The following UBTD1 variants were observed in gnomAD, a reference collection of about 807,000 sequenced individuals.
UBTD1 encodes the protein ubiquitin domain-containing protein 1.
UBTD1 carries 19 observed loss-of-function variants against 21.7 expected under a neutral mutation model. The ratio of observed to expected loss-of-function variants is 0.87; its 90% CI spans 0.61 to 1.28. UBTD1 has a LOEUF of 1.28. Ranked by LOEUF, UBTD1 falls within the 50% of genes most tolerant of loss-of-function variation. The pLI, the probability that UBTD1 is intolerant of heterozygous loss-of-function variation, is 0.00. For missense variants in UBTD1, 282 were observed against 315.1 expected, an observed-to-expected ratio of 0.89 and a Z score of 0.80; for synonymous variants, 116 against 135.1, an observed-to-expected ratio of 0.86 and a Z score of 0.98.
At chr10:97,557,013 T>C (rs1564743948) in intron 1 of UBTD1, among the ~76,000 whole-genome samples, 1 of 152,222 alleles carries the variant, frequency 6.6e-6, no homozygotes, top group African/African-American at 2.4e-5. Flanking sequence ...TTGAGACTTT[T>C]AGAACCCAAA....
intron 1 of UBTD1, among the ~76,000 whole-genome samples, chr10:97,557,928 A>T (rs1036148386): frequency 6.6e-6 from 1 of 152,214 alleles, no homozygotes; most frequent in East Asian, 1.9e-4. Flanking sequence ...CTTGATATAT[A>T]TACTGGAAAC....
chr10:97,544,084 C>G (rs1409873410), intron 1 of UBTD1, among the ~76,000 whole-genome samples: 2 of 152,008 alleles, frequency 1.3e-5, no homozygotes, highest in African/African-American at 4.8e-5. Context: ...GAGTTCAAGA[C>G]CAGCCTGGCC....
At chr10:97,503,623 G>A (rs2040386779) in intron 1 of UBTD1, among the ~76,000 whole-genome samples, 1 of 152,204 alleles carries the variant, frequency 6.6e-6, no homozygotes, top group South Asian at 2.1e-4. Context: ...GTGGTTGCAA[G>A]AGAGTCTGCT....
intron 1 of UBTD1, among the ~76,000 whole-genome samples, chr10:97,509,650 T>C (rs1485388579): frequency 1.3e-5 from 2 of 151,934 alleles, no homozygotes; most frequent in East Asian, 3.8e-4. Flanking sequence ...ATGAATTTCC[T>C]TTTTTTTCCC....
intron 1 of UBTD1, among the ~76,000 whole-genome samples, chr10:97,529,719 T>TGAGAGGGAGACCGTGGAAA (rs1271112489): frequency 6.3e-4 from 95 of 151,038 alleles, no homozygotes; most frequent in Non-Finnish European, 1.2e-3. Flanking sequence ...CGGCTCGGCA[T>TGAGAGGGAGACCGTGGAAA]GAGAGGGAGA....
At chr10:97,539,333 C>T (rs1257247958) in intron 1 of UBTD1, among the ~76,000 whole-genome samples, 1 of 152,164 alleles carries the variant, frequency 6.6e-6, no homozygotes, top group Non-Finnish European at 1.5e-5. Context: ...GTGGCTCACA[C>T]CTGGAATCCC....
intron 1 of UBTD1, among the ~76,000 whole-genome samples, chr10:97,554,642 C>A (rs1182801455): frequency 6.6e-6 from 1 of 152,128 alleles, no homozygotes; most frequent in Non-Finnish European, 1.5e-5. Context: ...CCTTGACCTC[C>A]TGGGCTCAAG....
At chr10:97,539,555 C>T (rs184414606) in intron 1 of UBTD1, among the ~76,000 whole-genome samples, 23 of 151,604 alleles carry the variant, frequency 1.5e-4, no homozygotes, top group Admixed American at 1.1e-3. Flanking sequence ...TGATTGTGCC[C>T]GTGCACTCCA....
Position 97,499,271 on chromosome 10 carries a change from C to A in UBTD1, c.68C>A (p.Ala23Glu). ...PAAPGHPRKR[A>E]GRNEPLKKER... ...GCCCCGGGACACCCCCGCAAGCGAG[C>A]AGGTAACGATGGGGAAGGGAGCAGG... The change falls in exon 1 of 3, where the codon GCA becomes GAA. Residue 23 changes from alanine to glutamate, a missense_variant and splice_region_variant. Coordinates refer to ENST00000370664, the MANE Select transcript of UBTD1 (RefSeq NM_024954.5). 6.5e-7 allele frequency: 1 copy of A among 1,548,504 alleles called. No individual in the cohort carries two copies. Among genetic ancestry groups the A allele is most frequent in the Non-Finnish European group, 8.7e-7 (1 of 1,145,672 alleles).
chr10:97,556,264 T>G (rs948741572), intron 1 of UBTD1, among the ~76,000 whole-genome samples: 3 of 152,186 alleles, frequency 2.0e-5, no homozygotes, highest in African/African-American at 7.2e-5. Context: ...ATGTGCCAGT[T>G]TTGTTATATC....
intron 1 of UBTD1, among the ~76,000 whole-genome samples, chr10:97,547,674 C>T (rs2040617584): frequency 6.6e-6 from 1 of 152,164 alleles, no homozygotes; most frequent in African/African-American, 2.4e-5. Context: ...AAGCGATTCT[C>T]TTGCCTCAGC....
At chr10:97,547,805 T>C (rs2040618220) in intron 1 of UBTD1, among the ~76,000 whole-genome samples, 1 of 152,104 alleles carries the variant, frequency 6.6e-6, no homozygotes, top group South Asian at 2.1e-4. Context: ...CCTCAGTTGA[T>C]CCACCTGCCT....
chr10:97,505,471 T>C (rs1479342459), intron 1 of UBTD1, among the ~76,000 whole-genome samples: 1 of 152,244 alleles, frequency 6.6e-6, no homozygotes, highest in African/African-American at 2.4e-5. Context: ...CTTCCTCAGT[T>C]GATCCCCCGT....
At chr10:97,507,810 C>G (rs1268363329) in intron 1 of UBTD1, among the ~76,000 whole-genome samples, 7 of 148,148 alleles carry the variant, frequency 4.7e-5, no homozygotes, top group Non-Finnish European at 7.4e-5. Context: ...AGAGAGGAAC[C>G]TGGCAGGAAA....
At chr10:97,499,390 TGGGCTGCTCCGCAGCCAGAGG>T in intron 1 of UBTD1, 117 bp downstream of exon 1, 1 of 1,281,180 alleles carries the variant, frequency 7.8e-7, no homozygotes, top group Non-Finnish European at 1.0e-6. Context: ...GTTTCCCCGA[TGGGCTGCTCCGCAGCCAGAGG>T]GGGCCGCTCC....
chr10:97,553,509 G>T (rs1027837626), intron 1 of UBTD1, among the ~76,000 whole-genome samples: 1 of 152,164 alleles, frequency 6.6e-6, no homozygotes, highest in Admixed American at 6.5e-5. Flanking sequence ...TTCCTTTTCT[G>T]TGTTTGTCTG....
chr10:97,559,225 C>T (rs2135685304), intron 1 of UBTD1, among the ~76,000 whole-genome samples: 1 of 152,340 alleles, frequency 6.6e-6, no homozygotes, highest in African/African-American at 2.4e-5. Context: ...CTTATTACTC[C>T]AGGCTGTAGA....
intron 1 of UBTD1, among the ~76,000 whole-genome samples, chr10:97,528,847 G>A (rs1589873318): frequency 4.2e-5 from 6 of 144,416 alleles, no homozygotes; most frequent in African/African-American, 7.7e-5. Context: ...AGGGGCGGCC[G>A]GGCAGAGGCG....
chr10:97,538,689 C>G lies in UBTD1; in HGVS notation c.71-29225C>G, dbSNP rs558427584. 1.6e-3 allele frequency among the ~76,000 whole-genome samples: 249 copies of G among 152,306 alleles called. 5 individuals are homozygous for G. In the South Asian group the frequency reaches 0.049, roughly 30 times the overall value. On this transcript the variant is annotated intron_variant, in intron 1 of 2. Transcript: ENST00000370664. ...TGAGCAGTTTCTACTTTAACAGAGT[C>G]TCTGTGGGCTTATGAGAGTCTCTTC...
Sources: allele counts gnomAD v4.1 joint callset (sites outside exome capture counted in the v4.1 genomes callset), GRCh38; gene constraint gnomAD v4.1.1; transcripts MANE v1.5; gene names NCBI Gene and HGNC (gene_info 2026-07-23, HGNC 2026-07-21).